Variants in MAP3K5 observed in about 807,000 individuals in gnomAD.
MAP3K5 encodes the protein ASK-1.
MAP3K5 carries 56 observed loss-of-function variants against 158.7 expected under a neutral mutation model. That is an observed-to-expected ratio of 0.35 (90% CI 0.28 to 0.44). MAP3K5 has a LOEUF of 0.44. MAP3K5 is among the 20% of genes least tolerant of loss of function. The pLI is 1.00. For synonymous variants in MAP3K5, 579 were observed against 601.7 expected (o/e 0.96, Z 0.55); for missense variants, 1,294 against 1,674.8 (o/e 0.77, Z 3.97).
intron 1 of MAP3K5, among the ~76,000 whole-genome samples, chr6:136,771,069 T>G (rs138553846): frequency 4.7e-4 from 71 of 152,296 alleles, no homozygotes; most frequent in African/African-American, 1.5e-3. Flanking sequence ...AAAGTACGTT[T>G]GAGGCTCCTG....
intron 1 of MAP3K5, among the ~76,000 whole-genome samples, chr6:136,782,914 T>C (rs1157537934): frequency 1.3e-5 from 2 of 152,248 alleles, no homozygotes; most frequent in African/African-American, 2.4e-5. Flanking sequence ...GAAAATCAGC[T>C]TTGTCTCATA....
chr6:136,632,153 A>G (rs1316425945), intron 14 of MAP3K5, among the ~76,000 whole-genome samples: 1 of 152,192 alleles, frequency 6.6e-6, no homozygotes, highest in Non-Finnish European at 1.5e-5. Flanking sequence ...GCTGGACCAC[A>G]GAGTGGAAAG....
At chr6:136,641,636 G>A (rs966458201) in intron 12 of MAP3K5, among the ~76,000 whole-genome samples, 1 of 130,906 alleles carries the variant, frequency 7.6e-6, no homozygotes, top group Non-Finnish European at 1.6e-5. Context: ...GCAGGAAAGT[G>A]ACCTTACAGA....
chr6:136,700,505 T>G (rs1185837584), intron 3 of MAP3K5, among the ~76,000 whole-genome samples: 2 of 152,218 alleles, frequency 1.3e-5, no homozygotes, highest in Non-Finnish European at 2.9e-5. Context: ...CCAGACTAAG[T>G]TATTTATGAA....
chr6:136,695,923 A>T (rs762291366), intron 6 of MAP3K5, 28 bp downstream of exon 6: 1 of 1,377,992 alleles, frequency 7.3e-7, no homozygotes, highest in South Asian at 1.2e-5. Context: ...ATGTTAACGC[A>T]TTCTGGAAGG....
chr6:136,761,300 A>C (rs1562683125), intron 1 of MAP3K5, among the ~76,000 whole-genome samples: 4 of 151,380 alleles, frequency 2.6e-5, no homozygotes, highest in Middle Eastern at 3.4e-3. Context: ...AAAAAAAAAA[A>C]AAAAAAACGA....
chr6:136,558,617 G>T (rs778502025), intron 29 of MAP3K5, among the ~76,000 whole-genome samples, 183 bp downstream of exon 29: 2 of 152,086 alleles, frequency 1.3e-5, no homozygotes, highest in Non-Finnish European at 1.5e-5. Flanking sequence ...TAGAAATATT[G>T]GTTATTAGAG....
chr6:136,785,491 T>A (rs991136819), intron 1 of MAP3K5, among the ~76,000 whole-genome samples: 16 of 152,030 alleles, frequency 1.1e-4, no homozygotes, highest in African/African-American at 3.9e-4. Flanking sequence ...AGGCTGGTGG[T>A]AAGGAAATGG....
chr6:136,737,037 G>GTGTATATA (rs759947051), intron 1 of MAP3K5, among the ~76,000 whole-genome samples: 17 of 126,970 alleles, frequency 1.3e-4, no homozygotes, highest in African/African-American at 6.4e-4. Context: ...ATATGTGTGT[G>GTGTATATA]TATATATATA....
intron 2 of MAP3K5, among the ~76,000 whole-genome samples, chr6:136,712,591 T>C (rs1781354522): frequency 6.6e-6 from 1 of 152,252 alleles, no homozygotes. Flanking sequence ...GTGCATGTAT[T>C]ACTTTTCTTA....
chr6:136,560,488 A>G (rs1830457834), intron 28 of MAP3K5, among the ~76,000 whole-genome samples: 1 of 152,120 alleles, frequency 6.6e-6, no homozygotes, highest in Non-Finnish European at 1.5e-5. Context: ...CAAAAAACAA[A>G]ATCAAAAAAA....
chr6:136,686,612 A>T (rs944616014), intron 7 of MAP3K5, among the ~76,000 whole-genome samples: 4 of 152,200 alleles, frequency 2.6e-5, no homozygotes, highest in African/African-American at 9.6e-5. Context: ...AATCACAAGC[A>T]TTCCTATTCA....
intron 11 of MAP3K5, among the ~76,000 whole-genome samples, chr6:136,644,336 G>C (rs1361127717): frequency 6.6e-6 from 1 of 152,196 alleles, no homozygotes; most frequent in African/African-American, 2.4e-5. Context: ...ACCACAAGGA[G>C]GCGCTGATGA....
intron 25 of MAP3K5, among the ~76,000 whole-genome samples, chr6:136,571,051 A>G (rs1168102004): frequency 6.6e-6 from 1 of 152,140 alleles, no homozygotes; most frequent in Non-Finnish European, 1.5e-5. Flanking sequence ...CTCTCTCTCA[A>G]TTGGTTCCTT....
At chr6:136,654,647 T>C (rs1289696614) in intron 10 of MAP3K5, among the ~76,000 whole-genome samples, 1 of 152,152 alleles carries the variant, frequency 6.6e-6, no homozygotes, top group Non-Finnish European at 1.5e-5. Flanking sequence ...GGTTTCTCCA[T>C]GTTGGTCAGG....
chr6:136,674,672 T>C (rs868622797), intron 7 of MAP3K5, among the ~76,000 whole-genome samples: 1 of 152,134 alleles, frequency 6.6e-6, no homozygotes, highest in Middle Eastern at 3.4e-3. Context: ...CAAATTAGAC[T>C]GAACAATAAC....
chr6:136,659,225 G>A lies in MAP3K5; in HGVS notation c.1520C>T (p.Pro507Leu). 1 of 1,613,386 alleles carries A rather than the reference G, an allele frequency of 6.2e-7. No individual in the cohort carries two copies. Among genetic ancestry groups the A allele is most frequent in the Non-Finnish European group, 8.5e-7 (1 of 1,179,480 alleles). The change falls in exon 9 of 30, where the codon CCA becomes CTA. Residue 507 changes from proline to leucine, a missense_variant. Physicochemically the swap from Pro to Leu is moderately conservative, Grantham distance 98. Around this residue, in one of 5 missense-constraint regions of MAP3K5, gnomAD observed 690 missense variants for 870.5 expected, o/e 0.79. Coordinates refer to ENST00000359015, the MANE Select transcript of MAP3K5 (RefSeq NM_005923.4). ...ASEKLFKLKT[P>L]AWYLKSIVET... Reference sequence around the variant, plus strand: ...TATAATAGCTAATTATTACCATGCTGGTGTCTTCAGTTTAAAAAGCTTTTC... The same window carrying A: ...TATAATAGCTAATTATTACCATGCTAGTGTCTTCAGTTTAAAAAGCTTTTC...
chr6:136,758,040 T>G (rs1005294039), intron 1 of MAP3K5, among the ~76,000 whole-genome samples: 1 of 152,228 alleles, frequency 6.6e-6, no homozygotes, highest in Non-Finnish European at 1.5e-5. Context: ...TAATTAAAAC[T>G]TATTTTAATA....
chr6:136,729,477 G>A (rs1383935623), intron 1 of MAP3K5, among the ~76,000 whole-genome samples: 1 of 152,132 alleles, frequency 6.6e-6, no homozygotes, highest in East Asian at 1.9e-4. Context: ...ACATAGAGCC[G>A]GGACAAGAAA....
Sources: gnomAD v4.1 joint callset for allele counts (sites outside exome capture counted in the v4.1 genomes callset) on GRCh38, gnomAD v4.1.1 for gene constraint, gnomAD v4.1.1 regional missense constraint, MANE v1.5 for transcripts, NCBI Gene and HGNC (gene_info 2026-07-23, HGNC 2026-07-21) for gene names.